CADPS: variants seen among roughly 807,000 people sequenced by gnomAD.
CADPS encodes the protein calcium dependent secretion activator, also known as calcium-dependent secretion activator 1.
A neutral mutation model predicts 167.3 loss-of-function variants in CADPS; 57 were observed. The ratio of observed to expected loss-of-function variants is 0.34; its 90% confidence interval spans 0.28 to 0.42. The LOEUF is 0.42. Among genes scored for constraint, CADPS ranks in the 20% least tolerant of loss-of-function variants. The pLI is 1.00. For missense variants in CADPS, 1,414 were observed against 1,738.1 expected (o/e 0.81, Z 3.32); for synonymous variants, 676 against 635.3 (o/e 1.06, Z -0.96).
At chr3:62,617,170 A>G (rs560749076) in intron 6 of CADPS, among the ~76,000 whole-genome samples, 1 of 152,322 alleles carries the variant, frequency 6.6e-6, no homozygotes, top group East Asian at 1.9e-4. Context: ...ACACAGAGGA[A>G]CTAAACAGTT....
At chr3:62,837,510 A>T (rs2076064782) in intron 1 of CADPS, among the ~76,000 whole-genome samples, 1 of 152,212 alleles carries the variant, frequency 6.6e-6, no homozygotes, top group African/African-American at 2.4e-5. Context: ...CTCTTCCAGA[A>T]GCAATGGTGA....
intron 13 of CADPS, among the ~76,000 whole-genome samples, chr3:62,522,457 G>A (rs907924474): frequency 6.6e-6 from 1 of 152,054 alleles, no homozygotes; most frequent in Non-Finnish European, 1.5e-5. Flanking sequence ...GCATTTTTAA[G>A]GTTTCCCGTG....
At position 62,874,921 on chromosome 3, in the gene CADPS, G is replaced by A. The variant is rs1404534547; in HGVS notation, c.109C>T (p.Arg37Cys). The part of the protein sequence containing the change: ...APSGARLSPS[R>C]TSEGSAGSAG... ...CTGCCGGCCGAGCCCTCGCTGGTAC[G>A]GCTGGGAGACAGGCGCGCGCCGGAC... is the stretch of plus-strand genomic sequence containing the variant. Residue 37 changes from arginine to cysteine, a missense_variant, in exon 1 of 30, where the codon CGT becomes TGT. Around this residue, in one of 6 missense-constraint regions of CADPS, gnomAD observed 522 missense variants for 559.5 expected, o/e 0.93. Coordinates refer to ENST00000383710, the MANE Select transcript of CADPS (RefSeq NM_003716.4). This position sits in a 1 kb window ranked among gnomAD's most constrained non-coding sequence, Gnocchi z 7.1. 3.4e-6 allele frequency: 5 copies of A among 1,482,562 alleles called. No homozygotes were observed. Among genetic ancestry groups the A allele is most frequent in the South Asian group, 2.6e-5 (2 of 77,840 alleles). 91.8% of individuals were successfully genotyped at this position (1,482,562 alleles called of 1,614,324 possible). A position where few individuals can be genotyped will look rare whatever the true frequency, so the allele number is the denominator to read the frequency against.
chr3:62,528,806 T>C (rs1170411416), intron 13 of CADPS, among the ~76,000 whole-genome samples: 1 of 152,222 alleles, frequency 6.6e-6, no homozygotes, highest in African/African-American at 2.4e-5. Flanking sequence ...TGTTTGACTT[T>C]ATCATCTGCA....
At chr3:62,846,953 C>T (rs889162077) in intron 1 of CADPS, among the ~76,000 whole-genome samples, 1 of 152,188 alleles carries the variant, frequency 6.6e-6, no homozygotes, top group Non-Finnish European at 1.5e-5. Flanking sequence ...CAGGCATGAG[C>T]CACTCGCCCG....
chr3:62,674,708 T>C (rs539067166), intron 3 of CADPS, among the ~76,000 whole-genome samples: 2 of 152,214 alleles, frequency 1.3e-5, no homozygotes, highest in African/African-American at 4.8e-5. Context: ...TTATCAAGTA[T>C]GTCCTGCTTA....
chr3:62,696,025 G>A (rs376112735), intron 3 of CADPS, among the ~76,000 whole-genome samples: 34 of 152,108 alleles, frequency 2.2e-4, no homozygotes, highest in African/African-American at 7.5e-4. Flanking sequence ...CCTTTTGTCA[G>A]TTATCAGGGA....
Position 62,557,624 on chromosome 3 carries a change from C to A in CADPS, c.1645-111G>T, listed in dbSNP as rs1208906685. On this transcript the variant is annotated intron_variant, in intron 9 of 29. Transcript: ENST00000383710. ...TCTGGACTGAGTGGCTGGGTTCAAACTGAGTTTTGCTACCTCCTGGCTGTG... is the reference window on the plus strand; with the variant it reads ...TCTGGACTGAGTGGCTGGGTTCAAAATGAGTTTTGCTACCTCCTGGCTGTG... 6.2e-6 allele frequency: 5 copies of A among 801,588 alleles called. No homozygotes were observed. In the East Asian group the frequency reaches 9.9e-5, roughly 16 times the overall value. The allele number at this position is 801,588 out of a possible 1,614,324, so 49.7% of individuals were successfully genotyped here. A position where few individuals can be genotyped will look rare whatever the true frequency, so the allele number is the denominator to read the frequency against.
chr3:62,640,618 C>T (rs900280809), intron 6 of CADPS, among the ~76,000 whole-genome samples: 7 of 152,158 alleles, frequency 4.6e-5, no homozygotes, highest in Admixed American at 6.6e-5. Context: ...TTTGGTTGTG[C>T]TTTCTAATCC....
chr3:62,647,744 T>A (rs2068917389), intron 5 of CADPS, among the ~76,000 whole-genome samples: 1 of 152,238 alleles, frequency 6.6e-6, no homozygotes, highest in South Asian at 2.1e-4. Flanking sequence ...ATTTAAAATA[T>A]CTGACTTCAC....
At chr3:62,634,619 C>G (rs906754934) in intron 6 of CADPS, among the ~76,000 whole-genome samples, 15 of 152,136 alleles carry the variant, frequency 9.9e-5, no homozygotes, top group African/African-American at 3.6e-4. Context: ...TGCGCAAGTC[C>G]AGAAATTTCA....
At chr3:62,592,570 T>G in intron 7 of CADPS, 67 bp downstream of exon 7, 1 of 1,178,738 alleles carries the variant, frequency 8.5e-7, no homozygotes, top group Non-Finnish European at 1.3e-6. Flanking sequence ...CTTGGTGACC[T>G]GTGCACTGGA....
chr3:62,780,323 T>C (rs571106068), intron 1 of CADPS, among the ~76,000 whole-genome samples: 2 of 152,126 alleles, frequency 1.3e-5, no homozygotes, highest in East Asian at 3.9e-4. Flanking sequence ...GAGGCTGAGA[T>C]GGGAGAATTG....
At chr3:62,776,222 T>C (rs766453588) in intron 1 of CADPS, among the ~76,000 whole-genome samples, 2 of 152,218 alleles carry the variant, frequency 1.3e-5, no homozygotes, top group South Asian at 4.1e-4. Context: ...TCTTGGAGAA[T>C]ATAGCATGAG....
chr3:62,499,044 A>C, intron 18 of CADPS, 118 bp downstream of exon 18: 2 of 585,406 alleles, frequency 3.4e-6, no homozygotes, highest in Non-Finnish European at 6.2e-6. Context: ...TTCCCTTTGC[A>C]ATCCCAGTTA....
chr3:62,794,285 TTAAG>T (rs1156716775), intron 1 of CADPS, among the ~76,000 whole-genome samples: 2 of 152,138 alleles, frequency 1.3e-5, no homozygotes, highest in East Asian at 1.9e-4. Context: ...GTTATAATAA[TTAAG>T]TAAGTAGTGA....
At chr3:62,621,567 C>T (rs2063170600) in intron 6 of CADPS, among the ~76,000 whole-genome samples, 2 of 152,010 alleles carry the variant, frequency 1.3e-5, no homozygotes, top group African/African-American at 4.8e-5. Flanking sequence ...TACATAATTA[C>T]AATTTTCAGG....
chr3:62,405,448 G>GGA (rs1439767957), intron 28 of CADPS, among the ~76,000 whole-genome samples: 1 of 128,056 alleles, frequency 7.8e-6, no homozygotes, highest in Non-Finnish European at 1.7e-5. Flanking sequence ...CACCTTTCAG[G>GGA]AAAAAAAAAA....
At chr3:62,791,497 C>T (rs966037116) in intron 1 of CADPS, among the ~76,000 whole-genome samples, 1 of 152,156 alleles carries the variant, frequency 6.6e-6, no homozygotes, top group African/African-American at 2.4e-5. Context: ...CTATTGTAAC[C>T]TACTGAATCA....
Sources: allele counts gnomAD v4.1 joint callset (sites outside exome capture counted in the v4.1 genomes callset), GRCh38; gene constraint gnomAD v4.1.1; regional missense constraint gnomAD v4.1.1; non-coding constraint Gnocchi (gnomAD v3.1); transcripts MANE v1.5; gene names NCBI Gene and HGNC (gene_info 2026-07-23, HGNC 2026-07-21).